CDC42BPA: variants seen among roughly 807,000 people sequenced by gnomAD.
The protein encoded by CDC42BPA is serine/threonine-protein kinase MRCK alpha.
In CDC42BPA, 80 loss-of-function variants were observed where a neutral mutation model predicts 223.5. The observed-to-expected ratio is 0.36, with a 90% CI of 0.30 to 0.43. CDC42BPA has a LOEUF of 0.43. Ranked by LOEUF, CDC42BPA falls within the 20% of genes least tolerant of loss-of-function variation. The pLI is 1.00. For synonymous variants in CDC42BPA, 694 were observed against 718.6 expected (o/e 0.97, Z 0.55); for missense variants, 1,743 against 2,099.9 (o/e 0.83, Z 3.32).
At chr1:227,190,073 A>G (rs1432931847) in intron 5 of CDC42BPA, among the ~76,000 whole-genome samples, 1 of 152,198 alleles carries the variant, frequency 6.6e-6, no homozygotes, top group African/African-American at 2.4e-5. Context: ...TAAACTCAAC[A>G]TGAACTCTTT....
chr1:227,307,940 T>C (rs7514796), intron 1 of CDC42BPA, among the ~76,000 whole-genome samples: 46,788 of 152,066 alleles, frequency 0.31, 7,387 homozygotes, highest in East Asian at 0.37. Context: ...TGTTGGTGGA[T>C]GAATGAGCAT....
At chr1:227,291,042 T>C (rs369247174) in intron 1 of CDC42BPA, among the ~76,000 whole-genome samples, 17 of 152,180 alleles carry the variant, frequency 1.1e-4, no homozygotes, top group African/African-American at 3.1e-4. Context: ...ACAGCCCATA[T>C]ACCTCAATAA....
chr1:227,200,890 G>A (rs1198537041), intron 3 of CDC42BPA, among the ~76,000 whole-genome samples: 1 of 152,050 alleles, frequency 6.6e-6, no homozygotes, highest in East Asian at 1.9e-4. Flanking sequence ...CCAACATGAC[G>A]GGTGTGAAAT....
intron 2 of CDC42BPA, among the ~76,000 whole-genome samples, chr1:227,215,699 T>G (rs1572415814): frequency 6.6e-6 from 1 of 152,330 alleles, no homozygotes; most frequent in East Asian, 1.9e-4. Flanking sequence ...GCCCAATCTC[T>G]TCACTGCCAA....
chr1:227,035,348 ATT>A, intron 25 of CDC42BPA, 121 bp downstream of exon 25: 1 of 694,358 alleles, frequency 1.4e-6, no homozygotes, highest in South Asian at 2.1e-5. Flanking sequence ...AAATAAAATT[ATT>A]AGATGAATTT....
intron 32 of CDC42BPA, among the ~76,000 whole-genome samples, chr1:227,022,329 A>G (rs1311110110): frequency 6.6e-6 from 1 of 152,124 alleles, no homozygotes; most frequent in African/African-American, 2.4e-5. Flanking sequence ...GCTACTCAGC[A>G]AGCTGAGGTG....
chr1:227,048,946 T>C (rs1673012525), intron 22 of CDC42BPA, among the ~76,000 whole-genome samples: 1 of 152,046 alleles, frequency 6.6e-6, no homozygotes, highest in South Asian at 2.1e-4. Flanking sequence ...CTATCTTTGT[T>C]ACCATACAAC....
At chr1:227,288,902 G>A (rs1490215934) in intron 1 of CDC42BPA, among the ~76,000 whole-genome samples, 1 of 152,180 alleles carries the variant, frequency 6.6e-6, no homozygotes, top group Admixed American at 6.5e-5. Flanking sequence ...GCTGAGGCAG[G>A]AGAATCACTT....
chr1:227,196,338 CTTT>C (rs34352900), intron 4 of CDC42BPA, among the ~76,000 whole-genome samples: 3 of 92,352 alleles, frequency 3.2e-5, no homozygotes, highest in African/African-American at 4.7e-5. Context: ...TTAAACAATA[CTTT>C]TTTTTTTTTT....
chr1:227,251,479 A>G (rs1010953026), intron 2 of CDC42BPA, among the ~76,000 whole-genome samples: 1 of 152,208 alleles, frequency 6.6e-6, no homozygotes, highest in Non-Finnish European at 1.5e-5. Flanking sequence ...ATCTAATTAT[A>G]TTCTACTGAA....
At chr1:227,000,815 TA>T (rs112257437) in intron 35 of CDC42BPA, among the ~76,000 whole-genome samples, 22,227 of 142,330 alleles carry the variant, frequency 0.16, 1,564 homozygotes, top group East Asian at 0.23. Context: ...CTACAACCTT[TA>T]AAAAAAAAAA....
chr1:227,031,670 A>G (rs1669314488), intron 27 of CDC42BPA, among the ~76,000 whole-genome samples, 156 bp from the exon 28 acceptor site: 2 of 152,188 alleles, frequency 1.3e-5, no homozygotes, highest in African/African-American at 4.8e-5. Flanking sequence ...CAGAATAACT[A>G]CCTTTAGCAC....
At position 227,229,087 on chromosome 1, in the gene CDC42BPA, T is replaced by C. The variant is rs79257413; in HGVS notation, c.271-15868A>G. On this transcript the variant is annotated intron_variant, in intron 2 of 36. Coordinates refer to ENST00000366766, the MANE Select transcript of CDC42BPA (RefSeq NM_001394014.1). ...GATTTCGTGTCATATTTAAGAACCA[T>C]TGCCTAAGCCAAGGTCACAAAAATT... Among the ~76,000 whole-genome samples, 362 of 150,994 alleles carry C rather than the reference T, an allele frequency of 2.4e-3. 2 individuals are homozygous for C. Among genetic ancestry groups the C allele is most frequent in the African/African-American group, 8.7e-3 (349 of 40,284 alleles).
At chr1:227,228,534 G>A (rs952923452) in intron 2 of CDC42BPA, among the ~76,000 whole-genome samples, 9 of 152,072 alleles carry the variant, frequency 5.9e-5, no homozygotes, top group Non-Finnish European at 7.4e-5. Flanking sequence ...ATTCTCTTGC[G>A]TTTGTACACA....
At chr1:227,265,270 CT>C in intron 1 of CDC42BPA, 1 of 520,420 alleles carries the variant, frequency 1.9e-6, no homozygotes, top group South Asian at 2.2e-5. Context: ...GCTGTGAGAC[CT>C]TGAGAAGTTA....
chr1:227,138,536 A>AAAAAAAAC, intron 10 of CDC42BPA, among the ~76,000 whole-genome samples: 1 of 151,396 alleles, frequency 6.6e-6, no homozygotes, highest in South Asian at 2.1e-4. Context: ...AAAAAAAAAA[A>AAAAAAAAC]AGAGAGCGTT....
intron 2 of CDC42BPA, among the ~76,000 whole-genome samples, chr1:227,220,311 T>C (rs903957492): frequency 0.015 from 720 of 49,506 alleles, 4 homozygotes; most frequent in Middle Eastern, 0.033. Context: ...TATATATATA[T>C]ACACACACAC....
intron 34 of CDC42BPA, among the ~76,000 whole-genome samples, chr1:227,010,228 A>G (rs1219676464): frequency 2.0e-5 from 3 of 152,254 alleles, no homozygotes; most frequent in African/African-American, 7.2e-5. Flanking sequence ...TTCAGAATAC[A>G]GCATGCTTTT....
chr1:227,182,651 ATAAT>A (rs1052022546), intron 5 of CDC42BPA, among the ~76,000 whole-genome samples: 7 of 152,178 alleles, frequency 4.6e-5, no homozygotes, highest in Admixed American at 3.9e-4. Flanking sequence ...TCACCCTCTG[ATAAT>A]TAATATTAGG....
Sources: gnomAD v4.1 joint callset for allele counts (sites outside exome capture counted in the v4.1 genomes callset) on GRCh38, gnomAD v4.1.1 for gene constraint, MANE v1.5 for transcripts, NCBI Gene and HGNC (gene_info 2026-07-23, HGNC 2026-07-21) for gene names.